The following PRELID2 variants were observed in gnomAD, a reference collection of about 807,000 sequenced individuals.
PRELID2 encodes the protein PRELI domain containing 2.
A neutral mutation model predicts 28.4 loss-of-function variants in PRELID2; 25 were observed. The ratio of observed to expected loss-of-function variants is 0.88; its 90% CI spans 0.64 to 1.23. The LOEUF (loss-of-function observed/expected upper bound fraction) is 1.23. Ranked by LOEUF, PRELID2 falls within the 50% of genes most tolerant of loss-of-function variation. PRELID2 has a pLI of 0.00. For missense variants in PRELID2, 201 were observed against 214.4 expected, an observed-to-expected ratio of 0.94 and a Z score of 0.39; for synonymous variants, 76 against 71.6, an observed-to-expected ratio of 1.06 and a Z score of -0.31.
At chr5:145,791,094 T>C (rs1478725209) in intron 5 of PRELID2, among the ~76,000 whole-genome samples, 1 of 152,070 alleles carries the variant, frequency 6.6e-6, no homozygotes, top group Non-Finnish European at 1.5e-5. Context: ...AGAGTTTTAA[T>C]TGACTCACAG....
At position 145,645,338 on chromosome 5, in the gene PRELID2, CTTTT is replaced by C. The variant is rs35732947; in HGVS notation, n.70+119589_70+119592del. On this transcript the variant is annotated intron_variant and non_coding_transcript_variant, in intron 1 of 2. Coordinates refer to the PRELID2 transcript ENST00000510259. ...TCAGAGATTAGGATTGCAACTCCTG[CTTTT>C]TTTTTTTTTTTTTTTTTTTTTTGGC... is the stretch of plus-strand genomic sequence containing the variant. 7.7e-3 allele frequency among the ~76,000 whole-genome samples: 368 copies of C among 47,826 alleles called. 1 individual carries two copies. The highest frequency in any genetic ancestry group is 0.034 in the African/African-American group (282 of 8,390). The allele number at this position is 47,826 out of a possible 152,430, so 31.4% of individuals were successfully genotyped here. A position where few individuals can be genotyped will look rare whatever the true frequency, so the allele number is the denominator to read the frequency against.
At chr5:145,742,453 T>TG (rs1477972855) in intron 1 of PRELID2, among the ~76,000 whole-genome samples, 1 of 145,216 alleles carries the variant, frequency 6.9e-6, no homozygotes, top group Non-Finnish European at 1.5e-5. Context: ...GAAAGACAGT[T>TG]GGGAAATCTC....
chr5:145,620,021 G>C (rs1301233021), intron 1 of PRELID2, among the ~76,000 whole-genome samples: 1 of 152,152 alleles, frequency 6.6e-6, no homozygotes, highest in Non-Finnish European at 1.5e-5. Context: ...ATTATTTTAG[G>C]CTCTTCAGAA....
intron 1 of PRELID2, among the ~76,000 whole-genome samples, chr5:145,546,945 T>C (rs755218528): frequency 6.6e-5 from 10 of 152,154 alleles, no homozygotes; most frequent in Non-Finnish European, 1.3e-4. Flanking sequence ...TAGTTAAATT[T>C]CCCTTCTGTT....
At chr5:145,639,844 T>G (rs1581019575) in intron 1 of PRELID2, among the ~76,000 whole-genome samples, 1 of 152,182 alleles carries the variant, frequency 6.6e-6, no homozygotes, top group South Asian at 2.1e-4. Context: ...AAAATACAAC[T>G]TCCCAGATTC....
chr5:145,395,715 T>C, the PRELID2 span, among the ~76,000 whole-genome samples: 2 of 152,094 alleles, frequency 1.3e-5, no homozygotes, highest in African/African-American at 4.8e-5. Flanking sequence ...ATAAATTTCA[T>C]ACATTTTATT....
chr5:145,803,954 C>G (rs968248699), intron 4 of PRELID2, among the ~76,000 whole-genome samples: 3 of 152,086 alleles, frequency 2.0e-5, no homozygotes, highest in Non-Finnish European at 2.9e-5. Flanking sequence ...ACTCCTGTCC[C>G]ACCCTGCTAC....
chr5:145,508,529 T>C (rs866732739), intron 1 of PRELID2, among the ~76,000 whole-genome samples: 2 of 151,860 alleles, frequency 1.3e-5, no homozygotes, highest in Non-Finnish European at 2.9e-5. Context: ...ACTGAATTCA[T>C]TAAAGTTAGT....
chr5:145,424,058 G>A, the PRELID2 span, among the ~76,000 whole-genome samples: 3 of 151,170 alleles, frequency 2.0e-5, no homozygotes, highest in Admixed American at 1.3e-4. Flanking sequence ...GGGGGTCAGG[G>A]GTCAGGGACC....
At chr5:145,716,822 G>A (rs2149714273) in intron 1 of PRELID2, among the ~76,000 whole-genome samples, 1 of 152,174 alleles carries the variant, frequency 6.6e-6, no homozygotes, top group Non-Finnish European at 1.5e-5. Context: ...GTATTGTCTT[G>A]TTTTATCTGC....
chr5:145,411,334 C>A, the PRELID2 span, among the ~76,000 whole-genome samples: 1 of 152,110 alleles, frequency 6.6e-6, no homozygotes, highest in Admixed American at 6.5e-5. Flanking sequence ...AAAGACATGC[C>A]CCCATGATTC....
At chr5:145,428,917 C>G in the PRELID2 span, among the ~76,000 whole-genome samples, 44 of 77,782 alleles carry the variant, frequency 5.7e-4, no homozygotes, top group Admixed American at 2.5e-3. Flanking sequence ...AATAAGGAGG[C>G]CAGTGTGGCT....
chr5:145,229,103 C>A, the PRELID2 span: 1 of 1,458,952 alleles, frequency 6.9e-7, no homozygotes, highest in Non-Finnish European at 9.5e-7. Flanking sequence ...CCAGGCCCTG[C>A]ATCGCCCACA....
chr5:145,792,402 T>C (rs1279844352), intron 5 of PRELID2, among the ~76,000 whole-genome samples: 1 of 152,196 alleles, frequency 6.6e-6, no homozygotes, highest in Non-Finnish European at 1.5e-5. Context: ...ACTAAGCTCT[T>C]GCAAGCACTA....
At chr5:145,676,108 T>TA (rs1319224059) in intron 1 of PRELID2, among the ~76,000 whole-genome samples, 1 of 149,358 alleles carries the variant, frequency 6.7e-6, no homozygotes, top group East Asian at 2.0e-4. Flanking sequence ...TAATCCCAGC[T>TA]ACTAGAGAGG....
chr5:145,451,520 G>A, the PRELID2 span, among the ~76,000 whole-genome samples: 2 of 152,092 alleles, frequency 1.3e-5, no homozygotes, highest in African/African-American at 4.8e-5. Flanking sequence ...CAACTTCAGG[G>A]CAGAGATCGC....
chr5:145,746,312 T>C (rs1396805592), intron 1 of PRELID2, among the ~76,000 whole-genome samples: 6 of 151,834 alleles, frequency 4.0e-5, no homozygotes, highest in Non-Finnish European at 8.8e-5. Context: ...AATAAAGGGA[T>C]GGAGGAAAAT....
At chr5:145,290,456 T>C in the PRELID2 span, among the ~76,000 whole-genome samples, 1 of 151,912 alleles carries the variant, frequency 6.6e-6, no homozygotes, top group Non-Finnish European at 1.5e-5. Context: ...TGTAGGGACG[T>C]GGATGAAGCT....
At chr5:145,713,350 T>TATATATATATATATATATATATATA (rs1755746978) in intron 1 of PRELID2, among the ~76,000 whole-genome samples, 2 of 124,714 alleles carry the variant, frequency 1.6e-5, no homozygotes, top group African/African-American at 3.1e-5. Flanking sequence ...ATATCTGACT[T>TATATATATATATATATATATATATA]TATATATATA....
Sources: gnomAD v4.1 joint callset for allele counts (sites outside exome capture counted in the v4.1 genomes callset) on GRCh38, gnomAD v4.1.1 for gene constraint, MANE v1.5 for transcripts, NCBI Gene and HGNC (gene_info 2026-07-23, HGNC 2026-07-21) for gene names.